HELZ: variants seen among roughly 807,000 people sequenced by gnomAD.
HELZ encodes ATP-dependent RNA helicase with zinc finger domain.
A neutral mutation model predicts 218.2 loss-of-function variants in HELZ; 23 were observed. The observed-to-expected ratio is 0.11, with a 90% CI of 0.08 to 0.15. HELZ has a LOEUF of 0.15. Ranked by LOEUF, HELZ falls within the 10% of genes least tolerant of loss-of-function variation. The probability of loss-of-function intolerance (pLI) is 1.00; values close to 1 mark genes in which losing one functional copy is unlikely to be tolerated. For missense variants in HELZ, 1,813 were observed against 2,353.7 expected (o/e 0.77, Z 4.75); for synonymous variants, 814 against 829.4 (o/e 0.98, Z 0.32).
chr17:67,221,274 T>A (rs1476411780), intron 3 of HELZ, among the ~76,000 whole-genome samples: 1 of 152,174 alleles, frequency 6.6e-6, no homozygotes, highest in African/African-American at 2.4e-5. Flanking sequence ...CCCTGACTTG[T>A]GACAACCAAA....
chr17:67,135,170 A>T (rs1158153015), intron 23 of HELZ, among the ~76,000 whole-genome samples: 1 of 152,208 alleles, frequency 6.6e-6, no homozygotes, highest in Admixed American at 6.5e-5. Context: ...TCTAATGAAT[A>T]CTAATAATGC....
Position 67,070,484 on chromosome 17 carries a change from AGCAGTAAAATACATTT to A in HELZ, c.*7752_*7767del, listed in dbSNP as rs1233768617. The stretch of plus-strand genomic sequence containing the variant: ...TTTATTATAAATACATTTTAGTTGT[AGCAGTAAAATACATTT>A]TGTTACCATGAATCTTTGAAAACAA... On this transcript the variant is annotated 3_prime_UTR_variant, in exon 33 of 33. Transcript: ENST00000358691. 6 of 152,356 alleles carry A rather than the reference AGCAGTAAAATACATTT, an allele frequency of 3.9e-5. No individual in the cohort carries two copies. Among genetic ancestry groups the A allele is most frequent in the Admixed American group, 2.0e-4 (3 of 15,302 alleles). The allele number at this position is 152,356 out of a possible 1,614,324, so 9.4% of individuals were successfully genotyped here.
At chr17:67,137,285 C>T (rs961869608) in intron 22 of HELZ, among the ~76,000 whole-genome samples, 4 of 152,138 alleles carry the variant, frequency 2.6e-5, no homozygotes, top group Non-Finnish European at 5.9e-5. Context: ...CATTCACTAC[C>T]CTAAGTCTCC....
At chr17:67,235,381 T>A (rs886344290) in intron 3 of HELZ, among the ~76,000 whole-genome samples, 8 of 152,034 alleles carry the variant, frequency 5.3e-5, no homozygotes, top group Non-Finnish European at 1.0e-4. Context: ...AGTGCGCACC[T>A]GTAATCCCAG....
intron 23 of HELZ, among the ~76,000 whole-genome samples, chr17:67,132,237 T>C (rs2038009781): frequency 6.6e-6 from 1 of 152,180 alleles, no homozygotes; most frequent in Non-Finnish European, 1.5e-5. Context: ...TGTGTGTGTG[T>C]GTGTGTGTGT....
At chr17:67,220,860 C>CCCA (rs1555626578) in intron 3 of HELZ, among the ~76,000 whole-genome samples, 7 of 131,998 alleles carry the variant, frequency 5.3e-5, no homozygotes, top group South Asian at 2.6e-4. Context: ...CCCCCCCCCC[C>CCCA]AAAAAAAAAG....
Position 67,224,621 on chromosome 17 carries a change from GA to G in HELZ, c.-18-5800del, listed in dbSNP as rs1161288043. The G allele has an allele frequency of 9.3e-6, 5 of 536,680 alleles. No homozygotes were observed. In the Admixed American group the frequency reaches 1.3e-4, roughly 14 times the overall value. The allele number at this position is 536,680 out of a possible 1,614,324, so 33.2% of individuals were successfully genotyped here. A position where few individuals can be genotyped will look rare whatever the true frequency, so the allele number is the denominator to read the frequency against. On this transcript the variant is annotated intron_variant, in intron 3 of 32. Transcript: ENST00000358691. ...TTACTAATAACAGTAAGTGTAAAGA[GA>G]AAAAATAAGTGAGCATGGGAGACAA...
intron 32 of HELZ, among the ~76,000 whole-genome samples, chr17:67,081,712 T>C (rs2036194204): frequency 6.6e-6 from 1 of 152,162 alleles, no homozygotes; most frequent in Non-Finnish European, 1.5e-5. Flanking sequence ...TTCCTTGTGT[T>C]CATGTCTAGA....
chr17:67,220,844 A>G (rs539251257), intron 3 of HELZ, among the ~76,000 whole-genome samples: 201 of 138,188 alleles, frequency 1.5e-3, no homozygotes, highest in African/African-American at 5.9e-3. Context: ...TGTTATTAAG[A>G]TAACTCCCCC....
chr17:67,136,041 G>A lies in HELZ; in HGVS notation c.3111C>T (p.Ala1037=), dbSNP rs1285110185. ...FLSNYKLLNT[A]ITRAQSLVAV... ...CAACCAGGGATTGTGCTCTTGTGAT[G>A]GCAGTATTGAGAAGCTTGTAGTTAG... The change falls in exon 23 of 33, where the codon GCC becomes GCT. Residue 1037 remains alanine (A), a synonymous_variant. Coordinates refer to ENST00000358691, the MANE Select transcript of HELZ (RefSeq NM_014877.4). 1 of 1,613,810 alleles carries A rather than the reference G, an allele frequency of 6.2e-7. No individual in the cohort carries two copies. Among genetic ancestry groups the A allele is most frequent in the Non-Finnish European group, 8.5e-7 (1 of 1,179,904 alleles).
At chr17:67,201,080 G>T in intron 7 of HELZ, 49 bp downstream of exon 7, 1 of 1,304,650 alleles carries the variant, frequency 7.7e-7, no homozygotes, top group Non-Finnish European at 1.1e-6. Context: ...ATGCTTACTA[G>T]ACAGATTGAG....
At chr17:67,157,087 C>T (rs772844718) in intron 17 of HELZ, among the ~76,000 whole-genome samples, 1 of 152,176 alleles carries the variant, frequency 6.6e-6, no homozygotes, top group Non-Finnish European at 1.5e-5. Context: ...GCTCCCCCTT[C>T]GCCTTCCACC....
intron 17 of HELZ, among the ~76,000 whole-genome samples, chr17:67,157,817 T>C (rs1391295492): frequency 1.3e-5 from 2 of 152,202 alleles, no homozygotes; most frequent in Non-Finnish European, 2.9e-5. Flanking sequence ...TATGCTTCTT[T>C]GAAGATCAAT....
At chr17:67,205,915 G>A (rs907612139) in intron 5 of HELZ, among the ~76,000 whole-genome samples, 3 of 152,170 alleles carry the variant, frequency 2.0e-5, no homozygotes, top group Non-Finnish European at 4.4e-5. Flanking sequence ...TTCAATTTAT[G>A]TATGGGAGGA....
chr17:67,242,998 TA>T (rs943698232), intron 2 of HELZ, among the ~76,000 whole-genome samples: 2 of 151,260 alleles, frequency 1.3e-5, no homozygotes, highest in African/African-American at 2.4e-5. Context: ...ATTATTTTTC[TA>T]AAAAAAAACT....
intron 31 of HELZ, among the ~76,000 whole-genome samples, chr17:67,092,566 C>T (rs1404902016): frequency 2.0e-5 from 3 of 152,126 alleles, no homozygotes; most frequent in Non-Finnish European, 2.9e-5. Flanking sequence ...CCGGGAAAAA[C>T]GAAGGGCTCC....
rs369952286 is a variant in HELZ, at chr17:67,093,142, C to T, written c.5242-6061G>A. ...TTATTAAAAATCAAAAACAAAACAA[C>T]AACAAACCCTCTAACTGGTGTTCTC... On this transcript the variant is annotated intron_variant, in intron 31 of 32. Transcript: ENST00000358691. Among the ~76,000 whole-genome samples the T allele has an allele frequency of 2.0e-5, 3 of 152,036 alleles. No homozygotes were observed. In the East Asian group the frequency reaches 5.8e-4, roughly 29 times the overall value.
intron 3 of HELZ, chr17:67,224,938 T>G: frequency 1.4e-6 from 1 of 714,064 alleles, no homozygotes; most frequent in Non-Finnish European, 2.6e-6. Context: ...AAGACTTGAG[T>G]GCGTTGAGCC....
In HELZ at chr17:67,224,566, GATT is replaced by G. The variant is rs1490733006; in HGVS notation, c.-18-5747_-18-5745del. The G allele has an allele frequency of 1.8e-5, 8 of 439,560 alleles. No homozygotes were observed. The Admixed American group carries it at 2.7e-4, about 15-fold the overall frequency. The allele number at this position is 439,560 out of a possible 1,614,324, so 27.2% of individuals were successfully genotyped here. ...TTGTCTTGTAAAATAGTGTATACAC[GATT>G]ATTAATAACAATGATCATGTTATTT... On this transcript the variant is annotated intron_variant, in intron 3 of 32. Transcript: ENST00000358691.
Sources: allele counts gnomAD v4.1 joint callset (sites outside exome capture counted in the v4.1 genomes callset), GRCh38; gene constraint gnomAD v4.1.1; transcripts MANE v1.5; gene names NCBI Gene and HGNC (gene_info 2026-07-23, HGNC 2026-07-21).